RPRD1A: variants seen among roughly 807,000 people sequenced by gnomAD.
RPRD1A encodes regulation of nuclear pre-mRNA domain containing 1A.
Under a neutral mutation model 37.8 loss-of-function variants are expected in RPRD1A, and 9 were observed. The ratio of observed to expected loss-of-function variants is 0.24; its 90% CI spans 0.14 to 0.42. The LOEUF (loss-of-function observed/expected upper bound fraction) is 0.42. RPRD1A is among the 10% of genes least tolerant of loss of function. The probability of loss-of-function intolerance (pLI) is 1.00; values close to 1 mark genes in which losing one functional copy is unlikely to be tolerated. For missense variants in RPRD1A, 255 were observed against 371.0 expected, an observed-to-expected ratio of 0.69 and a Z score of 2.57; for synonymous variants, 138 against 139.7, an observed-to-expected ratio of 0.99 and a Z score of 0.08.
At chr18:36,038,409 T>C (rs770805178) in intron 1 of RPRD1A, among the ~76,000 whole-genome samples, 1 of 152,220 alleles carries the variant, frequency 6.6e-6, no homozygotes, top group Non-Finnish European at 1.5e-5. Context: ...GCGGCTTCCA[T>C]GTGATTGTGG....
chr18:36,048,656 GAAAA>G (rs1052183892), intron 1 of RPRD1A, among the ~76,000 whole-genome samples: 3 of 138,598 alleles, frequency 2.2e-5, no homozygotes, highest in African/African-American at 5.4e-5. Flanking sequence ...AAAAAAAAAA[GAAAA>G]AAAAAACCTA....
At chr18:36,061,141 G>T (rs975743609) in intron 1 of RPRD1A, among the ~76,000 whole-genome samples, 11 of 152,040 alleles carry the variant, frequency 7.2e-5, no homozygotes, top group Non-Finnish European at 1.6e-4. Flanking sequence ...TTTATTAAAC[G>T]TCACCTTGCA....
At chr18:36,003,282 T>C (rs369411571) in intron 6 of RPRD1A, among the ~76,000 whole-genome samples, 1 of 152,356 alleles carries the variant, frequency 6.6e-6, no homozygotes, top group East Asian at 1.9e-4. Flanking sequence ...TTCTGATCAC[T>C]TGGTTTATTA....
intron 6 of RPRD1A, among the ~76,000 whole-genome samples, chr18:36,019,784 A>C (rs924913912): frequency 6.6e-6 from 1 of 152,218 alleles, no homozygotes; most frequent in Non-Finnish European, 1.5e-5. Context: ...TCACGCCTGT[A>C]ATCTCAGCAC....
At chr18:36,024,580 C>T (rs2035249157) in intron 6 of RPRD1A, among the ~76,000 whole-genome samples, 1 of 152,140 alleles carries the variant, frequency 6.6e-6, no homozygotes, top group Admixed American at 6.5e-5. Context: ...TTAATAATGG[C>T]TTCCTTAAGA....
intron 1 of RPRD1A, 64 bp downstream of exon 1, chr18:36,067,190 T>G (rs377342435): frequency 2.0e-6 from 3 of 1,490,864 alleles, no homozygotes; most frequent in African/African-American, 2.8e-5. Flanking sequence ...AGAAACGGGG[T>G]TCCCGGGGGC....
chr18:36,060,945 A>G (rs893919962), intron 1 of RPRD1A, among the ~76,000 whole-genome samples: 1 of 152,120 alleles, frequency 6.6e-6, no homozygotes, highest in African/African-American at 2.4e-5. Context: ...CCTCGGCAAC[A>G]TAGTGAGACA....
chr18:36,050,510 T>C (rs777686783), intron 1 of RPRD1A, among the ~76,000 whole-genome samples: 3 of 151,936 alleles, frequency 2.0e-5, no homozygotes, highest in African/African-American at 7.3e-5. Context: ...CAGAGACTAA[T>C]AGCCAGAATA....
intron 6 of RPRD1A, among the ~76,000 whole-genome samples, chr18:36,005,864 T>A (rs936282238): frequency 6.6e-6 from 1 of 152,222 alleles, no homozygotes; most frequent in Non-Finnish European, 1.5e-5. Flanking sequence ...TTCTTTTTTT[T>A]ACAACTATGT....
intron 6 of RPRD1A, among the ~76,000 whole-genome samples, chr18:36,022,750 C>A (rs1209278806): frequency 6.6e-6 from 1 of 152,120 alleles, no homozygotes; most frequent in South Asian, 2.1e-4. Context: ...ACTGCTTGAC[C>A]CAAGAGTTCA....
At chr18:36,053,799 T>C (rs925464950) in intron 1 of RPRD1A, among the ~76,000 whole-genome samples, 2 of 152,104 alleles carry the variant, frequency 1.3e-5, no homozygotes, top group African/African-American at 2.4e-5. Context: ...ACAAGAATGT[T>C]AGTAAATATG....
At chr18:36,044,148 GA>G (rs1912791324) in intron 1 of RPRD1A, among the ~76,000 whole-genome samples, 2 of 152,164 alleles carry the variant, frequency 1.3e-5, no homozygotes, top group South Asian at 2.1e-4. Flanking sequence ...TAAGGAGGAA[GA>G]GGGGGAAGAG....
chr18:36,044,973 C>G (rs903143192), intron 1 of RPRD1A, among the ~76,000 whole-genome samples: 11 of 152,144 alleles, frequency 7.2e-5, no homozygotes, highest in Non-Finnish European at 1.5e-4. Flanking sequence ...GGCATGGTGG[C>G]TCATGCCTAT....
At chr18:36,041,429 T>TAA (rs1912572085) in intron 1 of RPRD1A, among the ~76,000 whole-genome samples, 1 of 152,220 alleles carries the variant, frequency 6.6e-6, no homozygotes, top group Non-Finnish European at 1.5e-5. Flanking sequence ...CTCTCTCAAC[T>TAA]AAATCCTGTT....
chr18:36,006,115 T>C (rs1206688793), intron 6 of RPRD1A, among the ~76,000 whole-genome samples: 1 of 152,234 alleles, frequency 6.6e-6, no homozygotes, highest in Non-Finnish European at 1.5e-5. Context: ...GGCACAGAGC[T>C]AATGCTAAAT....
chr18:36,037,105 CTAAAA>C (rs1256660775), intron 1 of RPRD1A, among the ~76,000 whole-genome samples: 12 of 152,288 alleles, frequency 7.9e-5, no homozygotes, highest in Non-Finnish European at 1.5e-4. Flanking sequence ...GGTCACATCA[CTAAAA>C]TGTTACTTTT....
chr18:36,008,573 G>GTATATATATATATATATATATATATA (rs1339247337), intron 6 of RPRD1A, among the ~76,000 whole-genome samples: 12 of 36,628 alleles, frequency 3.3e-4, no homozygotes, highest in African/African-American at 1.5e-3. Context: ...AAGACCTTGT[G>GTATATATATATATATATATATATATA]TGTGTATATA....
intron 6 of RPRD1A, among the ~76,000 whole-genome samples, chr18:36,021,691 C>G (rs1004586491): frequency 6.6e-6 from 1 of 152,126 alleles, no homozygotes; most frequent in Non-Finnish European, 1.5e-5. Flanking sequence ...GCAAAGTTCT[C>G]GAAGGAAACT....
chr18:35,999,354 T>C (rs1909281635), intron 6 of RPRD1A, among the ~76,000 whole-genome samples: 1 of 152,210 alleles, frequency 6.6e-6, no homozygotes, highest in African/African-American at 2.4e-5. Context: ...GGTACTATTT[T>C]ACAGTGCTGT....
Sources: gnomAD v4.1 joint callset for allele counts (sites outside exome capture counted in the v4.1 genomes callset) on GRCh38, gnomAD v4.1.1 for gene constraint, MANE v1.5 for transcripts, NCBI Gene and HGNC (gene_info 2026-07-23, HGNC 2026-07-21) for gene names.